PDK3: variants seen among roughly 807,000 people sequenced by gnomAD.
The protein encoded by PDK3 is pyruvate dehydrogenase kinase 3.
In PDK3, 12 loss-of-function variants were observed where a neutral mutation model predicts 32.0. The ratio of observed to expected loss-of-function variants is 0.37; its 90% CI spans 0.24 to 0.61. The LOEUF is 0.61. PDK3 is among the 20% of genes least tolerant of loss of function. The pLI, the probability that PDK3 is intolerant of heterozygous loss-of-function variation, is 0.65. For missense variants in PDK3, 188 were observed against 316.9 expected (o/e 0.59, Z 3.09); for synonymous variants, 122 against 116.3 (o/e 1.05, Z -0.31).
intron 1 of PDK3, among the ~76,000 whole-genome samples, chrX:24,466,642 TA>T (rs940043991): frequency 9.9e-5 from 11 of 110,642 alleles, no homozygotes; most frequent in African/African-American, 3.6e-4. Flanking sequence ...TTTTTTTTTT[TA>T]AAAGCTAGGA....
In PDK3 at chrX:24,465,341, G is replaced by T; in HGVS notation, c.-115G>T. 4.3e-6 allele frequency: 2 copies of T among 462,182 alleles called. No homozygotes were observed. The highest frequency in any genetic ancestry group is 9.6e-5 in the South Asian group (2 of 20,933). The allele number at this position is 462,182 out of a possible 1,213,427, so 38.1% of individuals were successfully genotyped here. A position where few individuals can be genotyped will look rare whatever the true frequency, so the allele number is the denominator to read the frequency against. On this transcript the variant is annotated 5_prime_UTR_variant, in exon 1 of 11. Transcript: ENST00000379162. ...CGGCTGCACCGGCGGCGCCGAGGCCGAGATCGAGGCCGGGGTGCGCGCTTC... is the reference window on the plus strand; with the variant it reads ...CGGCTGCACCGGCGGCGCCGAGGCCTAGATCGAGGCCGGGGTGCGCGCTTC...
chrX:24,512,395 T>C (rs923345561), intron 5 of PDK3, among the ~76,000 whole-genome samples: 1 of 112,175 alleles, frequency 8.9e-6, no homozygotes, highest in Non-Finnish European at 1.9e-5. Context: ...GTGGCATTAT[T>C]CTGGTTCAGA....
At position 24,465,357 on chromosome X, in the gene PDK3, T is replaced by G. The variant is rs950125343; in HGVS notation, c.-99T>G. ...GCCGAGGCCGAGATCGAGGCCGGGG[T>G]GCGCGCTTCGCAAACGTGCCCTATC... is the stretch of plus-strand genomic sequence containing the variant. On this transcript the variant is annotated 5_prime_UTR_variant, in exon 1 of 11. Transcript: ENST00000379162. 1 of 536,620 alleles carries G rather than the reference T, an allele frequency of 1.9e-6. No individual in the cohort carries two copies. The allele number at this position is 536,620 out of a possible 1,213,427, so 44.2% of individuals were successfully genotyped here. A position where few individuals can be genotyped will look rare whatever the true frequency, so the allele number is the denominator to read the frequency against.
chrX:24,547,447 T>C (rs1426956188), exon 12 of PDK3: 1 of 112,036 alleles, frequency 8.9e-6, no homozygotes, highest in African/African-American at 3.2e-5. Context: ...GAAATTTTAT[T>C]AAGCACTTTA....
intron 1 of PDK3, among the ~76,000 whole-genome samples, chrX:24,487,772 T>A (rs1602106463): frequency 9.1e-6 from 1 of 109,997 alleles, no homozygotes; most frequent in Middle Eastern, 4.7e-3. Flanking sequence ...CACCAACTGC[T>A]AAAGCTGAAC....
chrX:24,497,741 T>C, intron 2 of PDK3, among the ~76,000 whole-genome samples: 1 of 112,853 alleles, frequency 8.9e-6, no homozygotes, highest in Middle Eastern at 4.6e-3. Context: ...GTCCTCATCC[T>C]CTATCCAAAG....
chrX:24,528,504 G>A (rs958783313), intron 9 of PDK3, among the ~76,000 whole-genome samples: 1 of 112,237 alleles, frequency 8.9e-6, no homozygotes, highest in Admixed American at 9.4e-5. Flanking sequence ...CTTGGAAGGG[G>A]TGGAAGTTGC....
intron 5 of PDK3, among the ~76,000 whole-genome samples, chrX:24,515,718 A>G (rs756473329): frequency 1.8e-5 from 2 of 112,357 alleles, no homozygotes; most frequent in Non-Finnish European, 3.8e-5. Context: ...TTCTTTTGAC[A>G]AAAGTACTTT....
chrX:24,539,026 A>C (rs1239444610), downstream of PDK3: 1 of 510,214 alleles, frequency 2.0e-6, no homozygotes, highest in South Asian at 3.0e-5. Flanking sequence ...AGATATGGCA[A>C]GGGTTTTTGA....
downstream of PDK3, among the ~76,000 whole-genome samples, chrX:24,535,145 T>C (rs1323243926): frequency 8.9e-6 from 1 of 112,547 alleles, no homozygotes; most frequent in East Asian, 2.8e-4. Flanking sequence ...ACAGTGGGGT[T>C]CTGCTTCATT....
chrX:24,469,961 A>G (rs1458842337), intron 1 of PDK3, among the ~76,000 whole-genome samples: 1 of 111,817 alleles, frequency 8.9e-6, no homozygotes, highest in Non-Finnish European at 1.9e-5. Context: ...CATGAATCCC[A>G]TATACAGTAC....
chrX:24,537,757 T>A (rs998940576), downstream of PDK3, among the ~76,000 whole-genome samples: 9 of 112,022 alleles, frequency 8.0e-5, no homozygotes, highest in Non-Finnish European at 1.7e-4. Context: ...AGCGTTGGTC[T>A]TCTCTGACAA....
At chrX:24,473,717 A>G (rs1347206447) in intron 1 of PDK3, among the ~76,000 whole-genome samples, 2 of 111,600 alleles carry the variant, frequency 1.8e-5, no homozygotes, top group Non-Finnish European at 3.8e-5. Flanking sequence ...GATTACAGGC[A>G]TGAGTCACCG....
chrX:24,507,532 AG>A (rs1279045327), intron 5 of PDK3, among the ~76,000 whole-genome samples: 1 of 112,036 alleles, frequency 8.9e-6, no homozygotes, highest in Non-Finnish European at 1.9e-5. Context: ...TCATATTTGT[AG>A]AACCCCTAAA....
chrX:24,534,035 A>G lies in PDK3; in HGVS notation c.1184A>G (p.Glu395Gly). 1 of 1,208,782 alleles carries G rather than the reference A, an allele frequency of 8.3e-7. No individual in the cohort carries two copies. Among genetic ancestry groups the G allele is most frequent in the Middle Eastern group, 2.3e-4 (1 of 4,334 alleles). Residue 395 changes from glutamate to glycine, a missense_variant, in exon 11 of 11, where the codon GAA becomes GGA. Transcript: ENST00000379162. The stretch of plus-strand genomic sequence containing the variant: ...GATGATTGGAGCAATCCCAGCAGTG[A>G]ACCCAGGGATGCTTCAAAATACAAA... Reference protein sequence around the residue: ...EADDWSNPSSEPRDASKYKAK... With the variant: ...EADDWSNPSSGPRDASKYKAK...
chrX:24,503,290 A>G, intron 3 of PDK3, 37 bp from the exon 4 acceptor site: 1 of 1,101,261 alleles, frequency 9.1e-7, no homozygotes, highest in Non-Finnish European at 1.2e-6. Flanking sequence ...CCCATGAGAT[A>G]TTAAGACTGA....
intron 3 of PDK3, 31 bp from the exon 4 acceptor site, chrX:24,503,296 A>C (rs775297795): frequency 5.3e-6 from 6 of 1,137,766 alleles, no homozygotes; most frequent in Non-Finnish European, 7.1e-6. Context: ...AGATATTAAG[A>C]CTGACCACGT....
At chrX:24,470,355 T>A (rs746735893) in intron 1 of PDK3, among the ~76,000 whole-genome samples, 1 of 111,577 alleles carries the variant, frequency 9.0e-6, no homozygotes, top group Non-Finnish European at 1.9e-5. Context: ...AGATTTTCTG[T>A]CTCTTCTAGA....
rs1341339145 is a variant in PDK3, at chrX:24,510,661, G to C, written c.595+5363G>C. Among the ~76,000 whole-genome samples the C allele has an allele frequency of 1.4e-4, 16 of 111,972 alleles. No homozygotes were observed. In the Admixed American group the frequency reaches 1.5e-3, roughly 11 times the overall value. ...ACACACACCCTTCCTGGCTGAATTT[G>C]ATACCCCATGGTAGAAGCCTCTATC... On this transcript the variant is annotated intron_variant, in intron 5 of 10. Coordinates refer to ENST00000379162, the MANE Select transcript of PDK3 (RefSeq NM_005391.5).
Sources: gnomAD v4.1 joint callset for allele counts (sites outside exome capture counted in the v4.1 genomes callset) on GRCh38, gnomAD v4.1.1 for gene constraint, MANE v1.5 for transcripts, NCBI Gene and HGNC (gene_info 2026-07-23, HGNC 2026-07-21) for gene names.